WDR49: variants seen among roughly 807,000 people sequenced by gnomAD.
The protein encoded by WDR49 is cilia- and flagella-associated protein 337.
A neutral mutation model predicts 119.5 loss-of-function variants in WDR49; 107 were observed. That is an observed-to-expected ratio of 0.90 (90% CI 0.77 to 1.05). The LOEUF (loss-of-function observed/expected upper bound fraction) is 1.05, where lower values mean the gene tolerates loss of function less well. WDR49 is among the 50% of genes least tolerant of loss of function. The pLI, the probability that WDR49 is intolerant of heterozygous loss-of-function variation, is 0.00. For missense variants in WDR49, 1,240 were observed against 1,220.5 expected (o/e 1.02, Z -0.24); for synonymous variants, 425 against 418.8 (o/e 1.01, Z -0.18).
intron 9 of WDR49, among the ~76,000 whole-genome samples, chr3:167,555,133 T>C (rs891363075): frequency 2.6e-5 from 4 of 152,106 alleles, no homozygotes; most frequent in African/African-American, 9.7e-5. Flanking sequence ...AGGTGGAAAT[T>C]TCAGCCCCAC....
chr3:167,506,963 C>T (rs1329046066), intron 16 of WDR49, among the ~76,000 whole-genome samples: 3 of 152,118 alleles, frequency 2.0e-5, no homozygotes, highest in Non-Finnish European at 4.4e-5. Context: ...AGGTGAACTG[C>T]TGCTCTTATT....
chr3:167,612,883 T>A (rs918845597), intron 5 of WDR49, among the ~76,000 whole-genome samples: 1 of 152,178 alleles, frequency 6.6e-6, no homozygotes, highest in African/African-American at 2.4e-5. Flanking sequence ...GAGAGTGGAA[T>A]GATAGTTACC....
chr3:167,616,863 A>G (rs1337988485), intron 5 of WDR49, among the ~76,000 whole-genome samples: 1 of 152,216 alleles, frequency 6.6e-6, no homozygotes, highest in Non-Finnish European at 1.5e-5. Flanking sequence ...TATGTGTTAT[A>G]CTGGATACTA....
chr3:167,485,558 T>C (rs2108191940), intron 18 of WDR49, among the ~76,000 whole-genome samples: 1 of 152,158 alleles, frequency 6.6e-6, no homozygotes, highest in East Asian at 1.9e-4. Context: ...TAAATAGCTA[T>C]TTTAAGAACC....
intron 16 of WDR49, among the ~76,000 whole-genome samples, chr3:167,520,603 A>G (rs1752401250): frequency 6.6e-6 from 1 of 152,220 alleles, no homozygotes; most frequent in Admixed American, 6.5e-5. Flanking sequence ...AGGAAATGGA[A>G]GAACAAATAC....
At chr3:167,583,776 C>A (rs1042841347) in intron 7 of WDR49, among the ~76,000 whole-genome samples, 1 of 152,128 alleles carries the variant, frequency 6.6e-6, no homozygotes, top group East Asian at 1.9e-4. Flanking sequence ...GCAGTAGCCT[C>A]AAGACAGTAG....
intron 2 of WDR49, among the ~76,000 whole-genome samples, chr3:167,629,797 C>T (rs140538024): frequency 3.9e-5 from 6 of 152,134 alleles, no homozygotes; most frequent in African/African-American, 1.4e-4. Context: ...AAGAAAGTAA[C>T]TGCGGATGTG....
At chr3:167,482,803 C>T (rs1387855473) in intron 18 of WDR49, among the ~76,000 whole-genome samples, 2 of 151,478 alleles carry the variant, frequency 1.3e-5, no homozygotes, top group Non-Finnish European at 2.9e-5. Flanking sequence ...TTAAGGCTGA[C>T]AAAAATAGAA....
chr3:167,597,178 G>A (rs1324707271), intron 7 of WDR49, among the ~76,000 whole-genome samples: 8 of 152,318 alleles, frequency 5.3e-5, no homozygotes, highest in African/African-American at 1.9e-4. Flanking sequence ...CTCAGGGAAT[G>A]GTACCCTGCA....
chr3:167,580,335 G>A (rs1427958848), intron 7 of WDR49, among the ~76,000 whole-genome samples: 1 of 150,906 alleles, frequency 6.6e-6, no homozygotes, highest in Non-Finnish European at 1.5e-5. Flanking sequence ...CATAAAATGG[G>A]TGACGGTATA....
At chr3:167,635,872 T>A (rs1717593188) in intron 2 of WDR49, among the ~76,000 whole-genome samples, 1 of 151,720 alleles carries the variant, frequency 6.6e-6, no homozygotes, top group Non-Finnish European at 1.5e-5. Flanking sequence ...ACAGCACCAG[T>A]TAGGTATACG....
chr3:167,566,802 AATT>A (rs756835737), intron 8 of WDR49: 30 of 619,350 alleles, frequency 4.8e-5, no homozygotes, highest in Non-Finnish European at 8.4e-5. Context: ...TTATTAAGAA[AATT>A]ATAAGAAAGA....
intron 10 of WDR49, among the ~76,000 whole-genome samples, chr3:167,549,775 A>G (rs1712438605): frequency 2.6e-5 from 4 of 152,164 alleles, no homozygotes; most frequent in Admixed American, 6.6e-5. Flanking sequence ...GCTCATGCCT[A>G]TGTCCTGAAT....
chr3:167,548,709 A>C (rs929691781), intron 10 of WDR49, among the ~76,000 whole-genome samples: 2 of 152,124 alleles, frequency 1.3e-5, no homozygotes, highest in Non-Finnish European at 2.9e-5. Context: ...AATTATTATT[A>C]TACTTTAAGT....
chr3:167,596,009 A>C (rs1364996835), intron 7 of WDR49, among the ~76,000 whole-genome samples: 2 of 143,348 alleles, frequency 1.4e-5, no homozygotes, highest in African/African-American at 5.2e-5. Context: ...CAATGAACTC[A>C]AACAAATTTA....
intron 16 of WDR49, among the ~76,000 whole-genome samples, chr3:167,507,790 C>T (rs993414150): frequency 6.6e-6 from 1 of 152,170 alleles, no homozygotes; most frequent in African/African-American, 2.4e-5. Context: ...AGGAGAGAAT[C>T]TCTTGGAAAT....
intron 7 of WDR49, among the ~76,000 whole-genome samples, chr3:167,588,360 A>G (rs1714923156): frequency 6.6e-6 from 1 of 152,136 alleles, no homozygotes; most frequent in South Asian, 2.1e-4. Flanking sequence ...CTTTTGATGG[A>G]CACTTGGGTT....
At chr3:167,503,919 T>C (rs906798844) in intron 17 of WDR49, among the ~76,000 whole-genome samples, 3 of 152,248 alleles carry the variant, frequency 2.0e-5, no homozygotes, top group Non-Finnish European at 4.4e-5. Context: ...AGGCAATAGA[T>C]GATTGGCTAT....
chr3:167,521,429 G>A (rs1490138732), intron 16 of WDR49, among the ~76,000 whole-genome samples: 3 of 152,130 alleles, frequency 2.0e-5, no homozygotes, highest in African/African-American at 7.2e-5. Flanking sequence ...CCCATCCTCA[G>A]TGAAAGGAAA....
Sources: gnomAD v4.1 joint callset for allele counts (sites outside exome capture counted in the v4.1 genomes callset) on GRCh38, gnomAD v4.1.1 for gene constraint, MANE v1.5 for transcripts, NCBI Gene and HGNC (gene_info 2026-07-23, HGNC 2026-07-21) for gene names.